ASL: variants seen among roughly 807,000 people sequenced by gnomAD.
The protein encoded by ASL is argininosuccinase.
ASL carries 51 observed loss-of-function variants against 69.1 expected under a neutral mutation model. The observed-to-expected ratio is 0.74, with a 90% CI of 0.59 to 0.93. The LOEUF (loss-of-function observed/expected upper bound fraction) is 0.93. ASL is among the 40% of genes least tolerant of loss of function. ASL has a pLI of 0.00. For missense variants in ASL, 540 were observed against 623.9 expected, an observed-to-expected ratio of 0.87 and a Z score of 1.43; for synonymous variants, 241 against 247.6, an observed-to-expected ratio of 0.97 and a Z score of 0.25.
rs1786675333 is a variant in ASL at position 66,086,771 on chromosome 7, T to C, written c.552T>C (p.Ser184=). The C allele has an allele frequency of 6.2e-7, 1 of 1,601,194 alleles. No homozygotes were observed. The highest frequency in any genetic ancestry group is 8.5e-7 in the Non-Finnish European group (1 of 1,174,498). ...LSHAVALTRD[S]ERLLEVRKRI... is the part of the protein sequence containing the mutation. ...ACGCCGTGGCACTGACCCGAGACTC[T>C]GAGCGGCTGCTGGAGGTGCGGAAGC... is the stretch of plus-strand genomic sequence containing the variant. The change falls in exon 8 of 17, where the codon TCT becomes TCC. Residue 184 remains serine, a synonymous_variant. Coordinates refer to ENST00000304874, the MANE Select transcript of ASL (RefSeq NM_000048.4).
intron 2 of ASL, among the ~76,000 whole-genome samples, chr7:66,080,124 C>T (rs1483297660): frequency 3.3e-5 from 5 of 151,348 alleles, no homozygotes; most frequent in South Asian, 2.1e-4. Context: ...GGCTCACACC[C>T]GTAATCCCAG....
At chr7:66,087,291 G>A (rs1042259170) in intron 8 of ASL, 43 bp from the exon 9 acceptor site, 13 of 1,505,332 alleles carry the variant, frequency 8.6e-6, no homozygotes, top group Non-Finnish European at 1.2e-5. Flanking sequence ...TGTCAGGGCT[G>A]CCTGCCAGGA....
chr7:66,092,976 C>T lies in ASL; in HGVS notation c.*64C>T. The stretch of plus-strand genomic sequence containing the variant: ...AGGAGGCTGCTGTGTGTTTCCTGCC[C>T]CAGCCTGGCTCCCTCGTTGCTGGGC... On this transcript the variant is annotated 3_prime_UTR_variant, in exon 17 of 17. Coordinates refer to ENST00000304874, the MANE Select transcript of ASL (RefSeq NM_000048.4). 1.3e-6 allele frequency: 2 copies of T among 1,547,774 alleles called. No homozygotes were observed. Among genetic ancestry groups the T allele is most frequent in the African/African-American group, 1.4e-5 (1 of 73,604 alleles).
rs992918674 is a variant in ASL, at chr7:66,093,151, A to C, written c.*239A>C. Reference sequence around the variant, plus strand: ...GCAACACAGGGAGACCCCCATCTCTACTCAATAATAAAACAAATAGCCTGG... The same window carrying C: ...GCAACACAGGGAGACCCCCATCTCTCCTCAATAATAAAACAAATAGCCTGG... On this transcript the variant is annotated 3_prime_UTR_variant, in exon 17 of 17. Coordinates refer to ENST00000304874, the MANE Select transcript of ASL (RefSeq NM_000048.4). The C allele has an allele frequency of 3.3e-6, 2 of 612,780 alleles. No individual in the cohort carries two copies. Among genetic ancestry groups the C allele is most frequent in the East Asian group, 5.8e-5 (2 of 34,684 alleles). The allele number at this position is 612,780 out of a possible 1,614,324, so 38.0% of individuals were successfully genotyped here.
chr7:66,085,727 C>A (rs946226948), intron 6 of ASL, among the ~76,000 whole-genome samples: 3 of 151,940 alleles, frequency 2.0e-5, no homozygotes, highest in Admixed American at 6.6e-5. Context: ...CCTGCCTCAG[C>A]CCTCCTGAGT....
chr7:66,082,753 A>G, intron 4 of ASL, 127 bp from the exon 5 acceptor site: 1 of 1,183,916 alleles, frequency 8.4e-7, no homozygotes, highest in Non-Finnish European at 1.2e-6. Flanking sequence ...ATGGCGAGAG[A>G]TTTGGGGAGG....
chr7:66,082,277 G>T, intron 3 of ASL, 91 bp from the exon 4 acceptor site: 3 of 1,356,670 alleles, frequency 2.2e-6, no homozygotes, highest in South Asian at 2.5e-5. Flanking sequence ...GGGACAGTCA[G>T]TCACCAGGGA....
chr7:66,086,775 C>T lies in ASL; in HGVS notation c.556C>T (p.Arg186Trp), dbSNP rs111407265. Residue 186 changes from arginine to tryptophan, a missense_variant, in exon 8 of 17, where the codon CGG (arginine) becomes TGG (tryptophan). By Grantham distance (101) the Arg-to-Trp change is moderately radical. Coordinates refer to ENST00000304874, the MANE Select transcript of ASL (RefSeq NM_000048.4). Reference protein sequence around the residue: ...HAVALTRDSERLLEVRKRINV... With the variant: ...HAVALTRDSEWLLEVRKRINV... ...CGTGGCACTGACCCGAGACTCTGAG[C>T]GGCTGCTGGAGGTGCGGAAGCGGAT... 17 of 1,599,234 alleles carry T rather than the reference C, an allele frequency of 1.1e-5. No individual in the cohort carries two copies. The highest frequency in any genetic ancestry group is 1.3e-5 in the Non-Finnish European group (15 of 1,173,576).
chr7:66,082,265 C>A, intron 3 of ASL, 103 bp from the exon 4 acceptor site: 1 of 1,273,520 alleles, frequency 7.9e-7, no homozygotes, highest in Non-Finnish European at 1.1e-6. Flanking sequence ...AGCTCCTGGG[C>A]AGGGACAGTC....
At chr7:66,077,300 G>A (rs1319340638) in intron 2 of ASL, among the ~76,000 whole-genome samples, 4 of 152,198 alleles carry the variant, frequency 2.6e-5, no homozygotes, top group South Asian at 2.1e-4. Flanking sequence ...GTGTGGTGGC[G>A]TACACCTGTA....
chr7:66,080,195 A>T (rs905900891), intron 2 of ASL, among the ~76,000 whole-genome samples: 1 of 151,506 alleles, frequency 6.6e-6, no homozygotes, highest in Non-Finnish European at 1.5e-5. Context: ...CTGGCTAACA[A>T]GGTGAAACCA....
At chr7:66,092,536 A>C in intron 15 of ASL, 21 bp from the exon 16 acceptor site, 1 of 1,602,088 alleles carries the variant, frequency 6.2e-7, no homozygotes, top group Non-Finnish European at 8.5e-7. Context: ...CCTCAGCGCC[A>C]TCTTCCTCCC....
At position 66,087,045 on chromosome 7, in the gene ASL, G is replaced by A. The variant is rs577157795; in HGVS notation, c.602+224G>A. 6.5e-5 allele frequency: 43 copies of A among 656,538 alleles called. No homozygotes were observed. In the East Asian group the frequency reaches 9.8e-4, roughly 15 times the overall value. The allele number at this position is 656,538 out of a possible 1,614,324, so 40.7% of individuals were successfully genotyped here. On this transcript the variant is annotated intron_variant, in intron 8 of 16. Transcript: ENST00000304874. ...GCAAGGCTCCTGGCAAGCCCAGCCT[G>A]CTGCCCTCAGCCTGACATGTGGGAA...
At chr7:66,091,320 A>G (rs160645) in intron 14 of ASL, among the ~76,000 whole-genome samples, 116,708 of 151,954 alleles carry the variant, frequency 0.77, 45,012 homozygotes, top group African/African-American at 0.82. Context: ...CACTTTGAGA[A>G]GCTGAGGCAG....
At position 66,081,904 on chromosome 7, in the gene ASL, T is replaced by C; in HGVS notation, c.114T>C (p.Asp38=). ...IAYDRHLWEV[D]VQGSKAYSRG... is the part of the protein sequence containing the mutation. ...ACGACCGGCACCTTTGGGAGGTGGA[T>C]GTTCAAGGCAGCAAAGCCTACAGCA... The change falls in exon 3 of 17, where the codon GAT becomes GAC. Residue 38 remains aspartate (D), a synonymous_variant. Transcript: ENST00000304874. 1 of 1,613,886 alleles carries C rather than the reference T, an allele frequency of 6.2e-7. No individual in the cohort carries two copies. Among genetic ancestry groups the C allele is most frequent in the Admixed American group, 1.7e-5 (1 of 59,964 alleles).
At chr7:66,082,520 A>T in intron 4 of ASL, 69 bp downstream of exon 4, 1 of 1,502,740 alleles carries the variant, frequency 6.7e-7, no homozygotes, top group Non-Finnish European at 9.1e-7. Context: ...CACTTTGAGC[A>T]TTAGCACCAT....
chr7:66,078,297 G>A (rs1266264568), intron 2 of ASL, among the ~76,000 whole-genome samples: 1 of 152,094 alleles, frequency 6.6e-6, no homozygotes, highest in African/African-American at 2.4e-5. Context: ...GGGCAGCTGT[G>A]GGGTAAGGGG....
chr7:66,086,193 C>G (rs996597007), intron 6 of ASL, among the ~76,000 whole-genome samples: 1 of 152,138 alleles, frequency 6.6e-6, no homozygotes, highest in African/African-American at 2.4e-5. Context: ...CTCACCTGCT[C>G]AGAGCAGCCC....
At chr7:66,087,896 T>A in intron 10 of ASL, 105 bp downstream of exon 10, 1 of 1,443,746 alleles carries the variant, frequency 6.9e-7, no homozygotes, top group African/African-American at 1.4e-5. Context: ...CTGGTTGTGG[T>A]GATATTGTAC....
Sources: allele counts gnomAD v4.1 joint callset (sites outside exome capture counted in the v4.1 genomes callset), GRCh38; gene constraint gnomAD v4.1.1; transcripts MANE v1.5; gene names NCBI Gene and HGNC (gene_info 2026-07-23, HGNC 2026-07-21).